The following TFEB variants were observed in gnomAD, a reference collection of about 807,000 sequenced individuals.
The protein encoded by TFEB is T-cell transcription factor EB.
A neutral mutation model predicts 48.0 loss-of-function variants in TFEB; 12 were observed. The ratio of observed to expected loss-of-function variants is 0.25; its 90% CI spans 0.16 to 0.40. The LOEUF (loss-of-function observed/expected upper bound fraction) is 0.40. Among genes scored for constraint, TFEB ranks in the 10% least tolerant of loss-of-function variants. The probability of loss-of-function intolerance (pLI) is 1.00; values close to 1 mark genes in which losing one functional copy is unlikely to be tolerated. For missense variants in TFEB, 509 were observed against 640.3 expected, an observed-to-expected ratio of 0.79 and a Z score of 2.21; for synonymous variants, 244 against 261.4, an observed-to-expected ratio of 0.93 and a Z score of 0.64.
chr6:41,702,834 A>C (rs1234615132), intron 1 of TFEB, among the ~76,000 whole-genome samples: 1 of 152,200 alleles, frequency 6.6e-6, no homozygotes, highest in African/African-American at 2.4e-5. Context: ...TGCACCACCC[A>C]GCTGCGTGAC....
chr6:41,735,747 T>C (rs917159840), upstream of TFEB: 1 of 234,536 alleles, frequency 4.3e-6, no homozygotes, highest in African/African-American at 2.3e-5. Flanking sequence ...CTCAGCGGAC[T>C]AAGGCTTACA....
At chr6:41,722,756 G>A (rs11962505) in intron 1 of TFEB, among the ~76,000 whole-genome samples, 6,616 of 152,274 alleles carry the variant, frequency 0.043, 473 homozygotes, top group African/African-American at 0.15. Flanking sequence ...AAAAATGATC[G>A]TCAGGAGCCC....
intron 1 of TFEB, among the ~76,000 whole-genome samples, chr6:41,726,007 G>A (rs997609581): frequency 6.6e-6 from 1 of 152,232 alleles, no homozygotes; most frequent in Non-Finnish European, 1.5e-5. Flanking sequence ...ACTTTGGGAG[G>A]CCGAGGTAGG....
At chr6:41,699,061 G>A (rs1769760068) in intron 1 of TFEB, among the ~76,000 whole-genome samples, 1 of 152,222 alleles carries the variant, frequency 6.6e-6, no homozygotes, top group Admixed American at 6.5e-5. Flanking sequence ...ATGATGCTGT[G>A]GGAAAGGCCA....
At chr6:41,700,282 C>T (rs1454251076) in intron 1 of TFEB, among the ~76,000 whole-genome samples, 1 of 151,940 alleles carries the variant, frequency 6.6e-6, no homozygotes, top group Non-Finnish European at 1.5e-5. Context: ...CTGGCTAACA[C>T]GGTGAAACCC....
At position 41,730,988 on chromosome 6, in the gene TFEB, T is replaced by C. The variant is rs1192480301; in HGVS notation, c.-23+4362A>G. Among the ~76,000 whole-genome samples the C allele has an allele frequency of 6.6e-6, 1 of 152,146 alleles. No homozygotes were observed. The highest frequency in any genetic ancestry group is 2.4e-5 in the African/African-American group (1 of 41,424). On this transcript the variant is annotated intron_variant, in intron 1 of 8. Transcript: ENST00000373033. The surrounding 1 kb of genome is among the most constrained non-coding windows in gnomAD (Gnocchi z 4.1). ...CGTAAAGCATTACATCAGAGAACAT[T>C]AGACACATGGAGAGGCCTGTTTGCA...
Position 41,695,184 on chromosome 6 carries a change from G to A in TFEB, c.-22-3949C>T, listed in dbSNP as rs1347086145. 2.6e-5 allele frequency among the ~76,000 whole-genome samples: 4 copies of A among 152,208 alleles called. No individual in the cohort carries two copies. In the South Asian group the frequency reaches 8.3e-4, roughly 32 times the overall value. ...GCAGCACCTGCTAATCACAGCACCT[G>A]CCTTTTGGGGCCATTGGGGGGATTC... On this transcript the variant is annotated intron_variant, in intron 1 of 8. Coordinates refer to ENST00000373033, the MANE Select transcript of TFEB (RefSeq NM_001271944.2).
chr6:41,700,427 C>G (rs1223155878), intron 1 of TFEB, among the ~76,000 whole-genome samples: 1 of 147,658 alleles, frequency 6.8e-6, no homozygotes, highest in Non-Finnish European at 1.5e-5. Context: ...GATCTCGCCA[C>G]TGCACTCCAG....
At position 41,730,178 on chromosome 6, in the gene TFEB, A is replaced by C. The variant is rs558080812; in HGVS notation, c.-23+5172T>G. Among the ~76,000 whole-genome samples, 1 of 152,204 alleles carries C rather than the reference A, an allele frequency of 6.6e-6. No homozygotes were observed. Among genetic ancestry groups the C allele is most frequent in the African/African-American group, 2.4e-5 (1 of 41,520 alleles). On this transcript the variant is annotated intron_variant, in intron 1 of 8. Transcript: ENST00000373033. The surrounding 1 kb of genome is among the most constrained non-coding windows in gnomAD (Gnocchi z 4.1). ...GCCCCTCCCCAAGAGATTCAGATGC[A>C]ATGGTGTTGTCTAAGAGTTCCGCAG...
chr6:41,735,683 G>T, upstream of TFEB: 1 of 540,070 alleles, frequency 1.9e-6, no homozygotes, highest in Non-Finnish European at 2.4e-6. Context: ...GCGCCCACTG[G>T]GAAGCGTAGT....
rs1184518062 is a variant in TFEB, at chr6:41,708,398, C to T, written c.-22-17163G>A. 3.3e-5 allele frequency among the ~76,000 whole-genome samples: 5 copies of T among 152,170 alleles called. No homozygotes were observed. In the East Asian group the frequency reaches 5.8e-4, roughly 18 times the overall value. ...GCCCTCACGATGTCAAAAGTGCCCA[C>T]CTGAAGATTTCCAGGTGCCAGCACC... On this transcript the variant is annotated intron_variant, in intron 1 of 8. Transcript: ENST00000373033.
chr6:41,721,754 C>G (rs900056508), intron 1 of TFEB, among the ~76,000 whole-genome samples: 2 of 152,128 alleles, frequency 1.3e-5, no homozygotes, highest in African/African-American at 4.8e-5. Context: ...GCTATCACCC[C>G]CATTTTAAAT....
chr6:41,714,138 T>C (rs1561866656), intron 1 of TFEB, among the ~76,000 whole-genome samples: 2 of 116,498 alleles, frequency 1.7e-5, no homozygotes, highest in African/African-American at 4.6e-5. Context: ...TGTGCATGTG[T>C]GCGTGTGTGT....
intron 3 of TFEB, 37 bp downstream of exon 3, chr6:41,690,626 T>G (rs759649178): frequency 6.7e-7 from 1 of 1,493,470 alleles, no homozygotes; most frequent in Non-Finnish European, 8.9e-7. Context: ...GCACGAGCTC[T>G]GCAAGCAGCA....
At chr6:41,689,362 A>G (rs548841995) in intron 4 of TFEB, among the ~76,000 whole-genome samples, 1 of 152,164 alleles carries the variant, frequency 6.6e-6, no homozygotes, top group Non-Finnish European at 1.5e-5. Context: ...CAGGTCCCCA[A>G]AGGAGCTCAT....
chr6:41,714,067 C>G (rs1240266844), intron 1 of TFEB, among the ~76,000 whole-genome samples: 1 of 152,180 alleles, frequency 6.6e-6, no homozygotes, highest in African/African-American at 2.4e-5. Flanking sequence ...CTTTCCCAGC[C>G]AAGACCACTG....
chr6:41,700,627 C>T (rs552319526), intron 1 of TFEB, among the ~76,000 whole-genome samples: 101 of 152,232 alleles, frequency 6.6e-4, no homozygotes, highest in African/African-American at 2.2e-3. Context: ...GAATGCGCTG[C>T]GGGAGACTGC....
At position 41,720,957 on chromosome 6, in the gene TFEB, T is replaced by C. The variant is rs1021038880; in HGVS notation, c.-23+14393A>G. ...AAGCATGGGCAGCTCCTGCCAGGCC[T>C]GACCCTGCAGCCTTCCACTGACGGC... On this transcript the variant is annotated intron_variant, in intron 1 of 8. Transcript: ENST00000373033. This position sits in a 1 kb window ranked among gnomAD's most constrained non-coding sequence, Gnocchi z 4.1. Among the ~76,000 whole-genome samples the C allele has an allele frequency of 3.3e-5, 5 of 152,188 alleles. No individual in the cohort carries two copies. Among genetic ancestry groups the C allele is most frequent in the Admixed American group, 6.5e-5 (1 of 15,284 alleles).
chr6:41,705,520 A>C (rs1276790782), intron 1 of TFEB: 1 of 152,364 alleles, frequency 6.6e-6, no homozygotes, highest in East Asian at 1.9e-4. Context: ...GGACAGCTGT[A>C]AAGTCCACCC....
Sources: gnomAD v4.1 joint callset for allele counts (sites outside exome capture counted in the v4.1 genomes callset) on GRCh38, gnomAD v4.1.1 for gene constraint, Gnocchi (gnomAD v3.1) non-coding constraint, MANE v1.5 for transcripts, NCBI Gene and HGNC (gene_info 2026-07-23, HGNC 2026-07-21) for gene names.